The following HDAC9 variants were observed in gnomAD, a reference collection of about 807,000 sequenced individuals.
The protein encoded by HDAC9 is MEF-2 interacting transcription repressor (MITR) protein.
Under a neutral mutation model 139.4 loss-of-function variants are expected in HDAC9, and 41 were observed. That is an observed-to-expected ratio of 0.29 (90% CI 0.23 to 0.38). The LOEUF is 0.38. Ranked by LOEUF, HDAC9 falls within the 10% of genes least tolerant of loss-of-function variation. The pLI, the probability that HDAC9 is intolerant of heterozygous loss-of-function variation, is 1.00. For synonymous variants in HDAC9, 517 were observed against 476.2 expected (o/e 1.09, Z -1.12); for missense variants, 1,147 against 1,297.0 (o/e 0.88, Z 1.78).
intron 1 of HDAC9, among the ~76,000 whole-genome samples, chr7:18,434,805 G>T (rs1455544963): frequency 1.3e-5 from 2 of 152,198 alleles, no homozygotes; most frequent in African/African-American, 4.8e-5. Flanking sequence ...ATGTAAATTA[G>T]TCCAGCCATT....
At chr7:18,955,325 A>T (rs117446931) in intron 24 of HDAC9, among the ~76,000 whole-genome samples, 1 of 152,094 alleles carries the variant, frequency 6.6e-6, no homozygotes, top group African/African-American at 2.4e-5. Flanking sequence ...CTAGATAAAG[A>T]GGGTCTATTA....
At chr7:18,305,674 T>C (rs1480590601) in intron 1 of HDAC9, among the ~76,000 whole-genome samples, 1 of 133,920 alleles carries the variant, frequency 7.5e-6, no homozygotes, top group Admixed American at 7.0e-5. Context: ...TGTACCCTTG[T>C]AGAGCACACA....
chr7:18,578,668 T>C (rs747378767), intron 2 of HDAC9, among the ~76,000 whole-genome samples: 36 of 152,352 alleles, frequency 2.4e-4, no homozygotes, highest in Non-Finnish European at 4.3e-4. Context: ...CATCCTTGAA[T>C]TCTGGAAAGC....
rs188740726 is a variant in HDAC9 at position 18,361,048 on chromosome 7, G to A, written c.-42+70533G>A. 1.2e-4 allele frequency among the ~76,000 whole-genome samples: 19 copies of A among 152,252 alleles called. No homozygotes were observed. The East Asian group carries it at 3.3e-3, about 26-fold the overall frequency. ...AAGAGCCTAGTTTCAGAATGGAATG[G>A]TGTTTCTCCTCTTCTGAGAATTATA... On this transcript the variant is annotated intron_variant, in intron 1 of 3. Coordinates refer to the HDAC9 transcript ENST00000413509.
intron 23 of HDAC9, among the ~76,000 whole-genome samples, chr7:18,946,324 G>A (rs1782401887): frequency 2.6e-5 from 4 of 151,954 alleles, no homozygotes; most frequent in Admixed American, 2.6e-4. Flanking sequence ...TTGGGTGGTT[G>A]TACAAATCAC....
intron 13 of HDAC9, among the ~76,000 whole-genome samples, chr7:18,741,654 AT>A (rs1170109174): frequency 6.6e-6 from 1 of 152,316 alleles, no homozygotes; most frequent in South Asian, 2.1e-4. Flanking sequence ...TTTACATCTT[AT>A]TATTTAAGAA....
At chr7:18,509,068 C>T (rs576445990) in intron 2 of HDAC9, among the ~76,000 whole-genome samples, 6 of 152,296 alleles carry the variant, frequency 3.9e-5, no homozygotes, top group African/African-American at 1.4e-4. Context: ...GGAGAAACAG[C>T]TAAGAGCTAT....
chr7:18,788,801 C>T (rs1792047263), intron 16 of HDAC9, among the ~76,000 whole-genome samples: 1 of 151,540 alleles, frequency 6.6e-6, no homozygotes, highest in African/African-American at 2.4e-5. Flanking sequence ...TGAAGGCTCA[C>T]CGACCATTTT....
intron 2 of HDAC9, among the ~76,000 whole-genome samples, chr7:18,197,862 G>A (rs1379113258): frequency 1.3e-5 from 2 of 152,118 alleles, no homozygotes; most frequent in African/African-American, 4.8e-5. Flanking sequence ...CCAGGAATTA[G>A]GATTTATTTG....
intron 23 of HDAC9, among the ~76,000 whole-genome samples, chr7:18,940,440 T>G (rs1781949562): frequency 6.6e-6 from 1 of 152,304 alleles, no homozygotes; most frequent in East Asian, 1.9e-4. Context: ...TTTTTTTCTT[T>G]TTCTTGGCAA....
At chr7:18,098,089 A>G (rs998364499) in intron 1 of HDAC9, among the ~76,000 whole-genome samples, 6 of 152,216 alleles carry the variant, frequency 3.9e-5, no homozygotes, top group African/African-American at 1.4e-4. Flanking sequence ...CACCATATGC[A>G]TTTAAACATT....
chr7:18,799,369 T>G (rs181662170), intron 17 of HDAC9, among the ~76,000 whole-genome samples: 2 of 152,274 alleles, frequency 1.3e-5, no homozygotes, highest in Non-Finnish European at 1.5e-5. Context: ...ACAGAAATGT[T>G]TGAGACAAGC....
chr7:18,321,760 C>T (rs1166259698), intron 1 of HDAC9, among the ~76,000 whole-genome samples: 1 of 151,982 alleles, frequency 6.6e-6, no homozygotes, highest in African/African-American at 2.4e-5. Flanking sequence ...TATAGTGTGC[C>T]CCAGATGAGA....
At chr7:18,762,756 G>C (rs1007357687) in intron 15 of HDAC9, among the ~76,000 whole-genome samples, 2 of 152,102 alleles carry the variant, frequency 1.3e-5, no homozygotes, top group Non-Finnish European at 2.9e-5. Flanking sequence ...TCTATAGCAA[G>C]ATTGCAAATC....
At chr7:18,224,739 G>A (rs924780768) in intron 2 of HDAC9, among the ~76,000 whole-genome samples, 1 of 152,122 alleles carries the variant, frequency 6.6e-6, no homozygotes, top group Admixed American at 6.5e-5. Context: ...ATTCGAAGTT[G>A]AATGGAGAGT....
intron 2 of HDAC9, among the ~76,000 whole-genome samples, chr7:18,197,033 G>T (rs1049695678): frequency 1.3e-5 from 2 of 152,154 alleles, no homozygotes; most frequent in South Asian, 2.1e-4. Flanking sequence ...CATGCAATTG[G>T]TTGAAGGCCT....
At chr7:18,174,172 T>C (rs1788690953) in intron 2 of HDAC9, among the ~76,000 whole-genome samples, 1 of 152,234 alleles carries the variant, frequency 6.6e-6, no homozygotes, top group African/African-American at 2.4e-5. Flanking sequence ...TCTGTAAATT[T>C]GTCTTGTTGC....
At chr7:18,246,085 CAAT>C (rs1794503540) in intron 2 of HDAC9, among the ~76,000 whole-genome samples, 1 of 147,492 alleles carries the variant, frequency 6.8e-6, no homozygotes, top group Admixed American at 6.8e-5. Context: ...GCCAAGGAGA[CAAT>C]AATCAATGAA....
chr7:18,170,928 G>A (rs1421926861), intron 2 of HDAC9, among the ~76,000 whole-genome samples: 1 of 152,150 alleles, frequency 6.6e-6, no homozygotes, highest in Non-Finnish European at 1.5e-5. Context: ...TGGCAATGCG[G>A]GCTCTTTTTT....
Sources: gnomAD v4.1 joint callset for allele counts (sites outside exome capture counted in the v4.1 genomes callset) on GRCh38, gnomAD v4.1.1 for gene constraint, MANE v1.5 for transcripts, NCBI Gene and HGNC (gene_info 2026-07-23, HGNC 2026-07-21) for gene names.